The following RXRA variants were observed in gnomAD, a reference collection of about 807,000 sequenced individuals.
The protein encoded by RXRA is retinoid X receptor alpha, also known as retinoic acid receptor RXR-alpha.
RXRA carries 5 observed loss-of-function variants against 44.5 expected under a neutral mutation model. The ratio of observed to expected loss-of-function variants is 0.11; its 90% CI spans 0.06 to 0.24. The LOEUF is 0.24. RXRA is among the 10% of genes least tolerant of loss of function. RXRA has a pLI of 1.00. For missense variants in RXRA, 412 were observed against 646.5 expected, an observed-to-expected ratio of 0.64 and a Z score of 3.93; for synonymous variants, 291 against 271.4, an observed-to-expected ratio of 1.07 and a Z score of -0.71.
chr9:134,434,231 A>T (rs1831579159), intron 9 of RXRA, 24 bp downstream of exon 9: 1 of 1,549,802 alleles, frequency 6.5e-7, no homozygotes, highest in Non-Finnish European at 8.9e-7. Flanking sequence ...CGTCCCACAC[A>T]CACCCCAGAC....
At chr9:134,377,263 C>T (rs1830569893) in intron 1 of RXRA, among the ~76,000 whole-genome samples, 1 of 152,190 alleles carries the variant, frequency 6.6e-6, no homozygotes. Context: ...GGTGTTGGGT[C>T]CTTGATGGCG....
At chr9:134,380,221 G>T in intron 1 of RXRA, 1 of 978,316 alleles carries the variant, frequency 1.0e-6, no homozygotes, top group Non-Finnish European at 1.2e-6. Flanking sequence ...TGCCGGCCCC[G>T]TGAGTCACGC....
rs760993953 is a variant in RXRA at position 134,365,799 on chromosome 9, A to G, written c.29-35833A>G. 1.1e-4 allele frequency among the ~76,000 whole-genome samples: 17 copies of G among 151,878 alleles called. No homozygotes were observed. The highest frequency in any genetic ancestry group is 2.1e-4 in the Non-Finnish European group (14 of 67,964). The stretch of plus-strand genomic sequence containing the variant: ...CCCCAGGGGAAGGGAGGGCCAGCCC[A>G]GAAGGACCCTCCCATTACCCTCTGG... On this transcript the variant is annotated intron_variant, in intron 1 of 9. Coordinates refer to ENST00000481739, the MANE Select transcript of RXRA (RefSeq NM_002957.6). The surrounding 1 kb of genome is among the most constrained non-coding windows in gnomAD (Gnocchi z 4.0).
chr9:134,427,357 G>C (rs1831452242), intron 6 of RXRA, among the ~76,000 whole-genome samples: 1 of 152,174 alleles, frequency 6.6e-6, no homozygotes, highest in South Asian at 2.1e-4. Flanking sequence ...GCTGCCTGCT[G>C]CCACCTGGCA....
intron 1 of RXRA, among the ~76,000 whole-genome samples, chr9:134,375,877 C>T (rs1044526758): frequency 4.6e-5 from 7 of 151,868 alleles, no homozygotes; most frequent in Admixed American, 2.0e-4. Context: ...ACAACAAACA[C>T]CACGTGCCCT....
intron 1 of RXRA, among the ~76,000 whole-genome samples, chr9:134,362,742 T>C (rs1002395980): frequency 1.1e-4 from 16 of 152,222 alleles, no homozygotes; most frequent in Non-Finnish European, 2.4e-4. Context: ...TACCCAGCTC[T>C]GCCCGCCCCA....
chr9:134,357,882 T>C (rs1830301630), intron 1 of RXRA, among the ~76,000 whole-genome samples: 2 of 152,270 alleles, frequency 1.3e-5, no homozygotes, highest in African/African-American at 2.4e-5. Context: ...GGTGAGGCCA[T>C]GGGGGCAGTC....
rs942104015 is a variant in RXRA at position 134,439,853 on chromosome 9, A to G, written c.*3239A>G. 3.9e-5 allele frequency: 6 copies of G among 152,346 alleles called. No individual in the cohort carries two copies. Among genetic ancestry groups the G allele is most frequent in the African/African-American group, 1.2e-4 (5 of 41,456 alleles). The allele number at this position is 152,346 out of a possible 1,614,324, so 9.4% of individuals were successfully genotyped here. A position where few individuals can be genotyped will look rare whatever the true frequency, so the allele number is the denominator to read the frequency against. ...ATCAAGACGTTTCCCCTGTTTTCCT[A>G]TAAATTTGCTTCGTGTAAGCAAGTA... is the stretch of plus-strand genomic sequence containing the variant. On this transcript the variant is annotated 3_prime_UTR_variant, in exon 10 of 10. Coordinates refer to ENST00000481739, the MANE Select transcript of RXRA (RefSeq NM_002957.6).
At chr9:134,401,432 C>T in intron 1 of RXRA, 200 bp from the exon 2 acceptor site, 1 of 795,810 alleles carries the variant, frequency 1.3e-6, no homozygotes, top group Non-Finnish European at 2.0e-6. Flanking sequence ...CAGAACAGTA[C>T]CTTGGAGGGG....
intron 1 of RXRA, among the ~76,000 whole-genome samples, 175 bp downstream of exon 1, chr9:134,326,834 G>C (rs1251915893): frequency 2.0e-4 from 29 of 143,972 alleles, no homozygotes; most frequent in African/African-American, 5.8e-4. Flanking sequence ...GGTCGACCCG[G>C]GGCAACTTTT....
At chr9:134,355,004 A>C (rs1295544477) in intron 1 of RXRA, among the ~76,000 whole-genome samples, 1 of 152,240 alleles carries the variant, frequency 6.6e-6, no homozygotes, top group African/African-American at 2.4e-5. Flanking sequence ...CTGCATGAGC[A>C]GGGCCTCTGG....
At chr9:134,346,065 GGC>G (rs1162363713) in intron 1 of RXRA, among the ~76,000 whole-genome samples, 7 of 152,214 alleles carry the variant, frequency 4.6e-5, no homozygotes, top group Non-Finnish European at 7.3e-5. Flanking sequence ...GTGGGGTCCA[GGC>G]GGGGTATGGC....
chr9:134,392,954 C>G (rs1830822084), intron 1 of RXRA, among the ~76,000 whole-genome samples: 2 of 151,980 alleles, frequency 1.3e-5, no homozygotes, highest in South Asian at 4.1e-4. Context: ...CCCCTCAGCC[C>G]TCTAGGGACA....
intron 2 of RXRA, 121 bp from the exon 3 acceptor site, chr9:134,408,028 A>T: frequency 2.8e-6 from 2 of 706,362 alleles, no homozygotes; most frequent in African/African-American, 1.8e-5. Context: ...GGCCCTCTCT[A>T]GCCTCGGTGT....
intron 1 of RXRA, 34 bp downstream of exon 1, chr9:134,326,693 C>CGGGGGCCGGGGGGCGGGCGGGA (rs1834917101): frequency 1.7e-6 from 1 of 591,512 alleles, no homozygotes; most frequent in African/African-American, 2.1e-5. Context: ...GGGACGGGGC[C>CGGGGGCCGGGGGGCGGGCGGGA]GGGGGCCGGG....
rs1325426028 is a variant in RXRA, at chr9:134,326,501, C to T, written c.-131C>T. The T allele has an allele frequency of 7.0e-6, 1 of 142,274 alleles. No homozygotes were observed. Among genetic ancestry groups the T allele is most frequent in the African/African-American group, 2.5e-5 (1 of 39,574 alleles). 8.8% of individuals were successfully genotyped at this position (142,274 alleles called of 1,614,324 possible). ...TTTGCAACAACTCGCCGCGCCGCGG[C>T]CTCCGCGCGCCGCCGCCGCCACCGC... On this transcript the variant is annotated 5_prime_UTR_variant, in exon 1 of 10. Transcript: ENST00000481739.
chr9:134,404,820 C>T (rs537567534), intron 2 of RXRA: 6 of 152,502 alleles, frequency 3.9e-5, no homozygotes, highest in South Asian at 2.1e-4. Flanking sequence ...TTTCCCAAGT[C>T]GGGGCTGGTG....
At chr9:134,381,551 G>A (rs528015944) in intron 1 of RXRA, among the ~76,000 whole-genome samples, 13 of 152,232 alleles carry the variant, frequency 8.5e-5, no homozygotes, top group African/African-American at 2.6e-4. Context: ...GGAGATGGTG[G>A]GGGCTGGGTG....
chr9:134,338,202 TC>T (rs1187553443), intron 1 of RXRA, among the ~76,000 whole-genome samples: 2 of 152,034 alleles, frequency 1.3e-5, no homozygotes, highest in Non-Finnish European at 2.9e-5. Flanking sequence ...TCCCGGGGCC[TC>T]CCTGGGCCTC....
Sources: allele counts gnomAD v4.1 joint callset (sites outside exome capture counted in the v4.1 genomes callset), GRCh38; gene constraint gnomAD v4.1.1; non-coding constraint Gnocchi (gnomAD v3.1); transcripts MANE v1.5; gene names NCBI Gene and HGNC (gene_info 2026-07-23, HGNC 2026-07-21).